Variants in RANBP2 observed in about 807,000 individuals in gnomAD.
RANBP2 encodes the protein RAN binding protein 2.
In RANBP2, 57 loss-of-function variants were observed where a neutral mutation model predicts 303.6. The observed-to-expected ratio is 0.19, with a 90% CI of 0.15 to 0.23. The LOEUF is 0.23. Among genes scored for constraint, RANBP2 ranks in the 10% least tolerant of loss-of-function variants. The pLI is 1.00. For missense variants in RANBP2, 3,138 were observed against 3,780.8 expected (o/e 0.83, Z 4.46); for synonymous variants, 1,167 against 1,301.5 (o/e 0.90, Z 2.23).
the RANBP2 span, among the ~76,000 whole-genome samples, chr2:108,879,198 C>G: frequency 6.6e-6 from 1 of 152,184 alleles, no homozygotes; most frequent in South Asian, 2.1e-4. Flanking sequence ...TCTTGAACTC[C>G]TGAGCTCGAG....
At chr2:109,464,290 A>T in the RANBP2 span, among the ~76,000 whole-genome samples, 2 of 152,234 alleles carry the variant, frequency 1.3e-5, no homozygotes, top group Admixed American at 6.5e-5. Flanking sequence ...ACATTCATAC[A>T]TATACATACA....
At chr2:109,301,543 A>G in the RANBP2 span, among the ~76,000 whole-genome samples, 4 of 152,144 alleles carry the variant, frequency 2.6e-5, no homozygotes, top group African/African-American at 9.7e-5. Flanking sequence ...CAGGGTGCCC[A>G]GAGCCCATAA....
At chr2:108,954,361 C>T in the RANBP2 span, among the ~76,000 whole-genome samples, 1 of 152,296 alleles carries the variant, frequency 6.6e-6, no homozygotes. Context: ...TTGAATAGCT[C>T]ATTACTTAAA....
the RANBP2 span, among the ~76,000 whole-genome samples, chr2:109,117,588 G>T: frequency 6.6e-6 from 1 of 152,168 alleles, no homozygotes; most frequent in Admixed American, 6.5e-5. Context: ...TGCGCTTCCC[G>T]AGGGAGGCAA....
chr2:109,371,821 A>G, the RANBP2 span: 6,064 of 730,804 alleles, frequency 8.3e-3, 168 homozygotes, highest in African/African-American at 0.057. Flanking sequence ...GAGAGCTGCT[A>G]TGTGTGGGCT....
chr2:109,710,381 C>A, the RANBP2 span, among the ~76,000 whole-genome samples: 99 of 144,636 alleles, frequency 6.8e-4, no homozygotes, highest in Non-Finnish European at 6.2e-4. Flanking sequence ...GATTCTATCT[C>A]AAAAAAAAAA....
the RANBP2 span, among the ~76,000 whole-genome samples, chr2:109,310,472 G>A: frequency 2.2e-5 from 1 of 46,254 alleles, no homozygotes. Flanking sequence ...GCTAGCAGAA[G>A]GCAAGAAATA....
At chr2:109,321,153 T>C in the RANBP2 span, among the ~76,000 whole-genome samples, 1 of 152,386 alleles carries the variant, frequency 6.6e-6, no homozygotes, top group East Asian at 1.9e-4. Context: ...TGTGCATGGA[T>C]GCACCTCTCA....
the RANBP2 span, among the ~76,000 whole-genome samples, chr2:109,647,242 C>T: frequency 4.1e-5 from 6 of 146,698 alleles, no homozygotes; most frequent in Non-Finnish European, 7.4e-5. Flanking sequence ...TGGCTCACTG[C>T]AACCTCCACC....
chr2:108,842,245 C>T, the RANBP2 span, among the ~76,000 whole-genome samples: 2 of 151,396 alleles, frequency 1.3e-5, no homozygotes, highest in Admixed American at 1.3e-4. Context: ...TGCTTTGTTG[C>T]CCAGGCTGGT....
chr2:109,540,261 C>T, the RANBP2 span, among the ~76,000 whole-genome samples: 4 of 152,172 alleles, frequency 2.6e-5, no homozygotes, highest in African/African-American at 9.6e-5. Flanking sequence ...GTTTTATCTA[C>T]GCTCACAAGG....
chr2:109,048,560 G>GTGCA, the RANBP2 span, among the ~76,000 whole-genome samples: 1 of 152,290 alleles, frequency 6.6e-6, no homozygotes, highest in South Asian at 2.1e-4. Flanking sequence ...ATTGCAGGGA[G>GTGCA]TGCACATGAA....
At chr2:109,125,502 G>A in the RANBP2 span, among the ~76,000 whole-genome samples, 5 of 152,132 alleles carry the variant, frequency 3.3e-5, no homozygotes, top group Non-Finnish European at 7.3e-5. Flanking sequence ...TTACCACATC[G>A]TCATTAATTT....
chr2:109,017,603 G>A, the RANBP2 span, among the ~76,000 whole-genome samples: 1 of 152,196 alleles, frequency 6.6e-6, no homozygotes. Context: ...TTTGGTTGAA[G>A]CTATTTTTTT....
chr2:109,427,027 G>C, the RANBP2 span, among the ~76,000 whole-genome samples: 1 of 152,018 alleles, frequency 6.6e-6, no homozygotes, highest in African/African-American at 2.4e-5. Context: ...GGAGTGCAGT[G>C]GCATGATCTC....
chr2:109,315,227 G>T, the RANBP2 span, among the ~76,000 whole-genome samples: 1 of 152,202 alleles, frequency 6.6e-6, no homozygotes, highest in African/African-American at 2.4e-5. Context: ...TGAGTGGAGA[G>T]GGCTATAGTC....
chr2:109,489,947 A>G, the RANBP2 span, among the ~76,000 whole-genome samples: 1 of 152,206 alleles, frequency 6.6e-6, no homozygotes, highest in African/African-American at 2.4e-5. Context: ...CATGTTGGCC[A>G]GGCTGGTCTC....
the RANBP2 span, among the ~76,000 whole-genome samples, chr2:109,260,377 T>G: frequency 6.6e-6 from 1 of 152,174 alleles, no homozygotes; most frequent in Non-Finnish European, 1.5e-5. Flanking sequence ...GCATGTGCCC[T>G]TCCAGGAACC....
chr2:109,474,939 GTTTT>G, the RANBP2 span, among the ~76,000 whole-genome samples: 1 of 152,194 alleles, frequency 6.6e-6, no homozygotes, highest in Non-Finnish European at 1.5e-5. Flanking sequence ...ACCTTTCAGT[GTTTT>G]TTGTCTTTTG....
Sources: gnomAD v4.1 joint callset for allele counts (sites outside exome capture counted in the v4.1 genomes callset) on GRCh38, gnomAD v4.1.1 for gene constraint, MANE v1.5 for transcripts, NCBI Gene and HGNC (gene_info 2026-07-23, HGNC 2026-07-21) for gene names.